KCNT2: variants seen among roughly 807,000 people sequenced by gnomAD.
KCNT2 encodes the protein potassium sodium-activated channel subfamily T member 2.
Under a neutral mutation model 153.8 loss-of-function variants are expected in KCNT2, and 67 were observed. That is an observed-to-expected ratio of 0.44 (90% confidence interval 0.36 to 0.53). KCNT2 has a LOEUF of 0.53. Among genes scored for constraint, KCNT2 ranks in the 20% least tolerant of loss-of-function variants. KCNT2 has a pLI of 0.00. For missense variants in KCNT2, 975 were observed against 1,354.8 expected (o/e 0.72, Z 4.40); for synonymous variants, 500 against 458.8 (o/e 1.09, Z -1.15).
intron 15 of KCNT2, among the ~76,000 whole-genome samples, chr1:196,341,855 G>A (rs1665668156): frequency 6.6e-6 from 1 of 151,848 alleles, no homozygotes; most frequent in African/African-American, 2.4e-5. Context: ...CTTTAAAAGT[G>A]GCTAAATGAA....
intron 24 of KCNT2, among the ~76,000 whole-genome samples, chr1:196,281,411 G>T (rs1479854688): frequency 1.3e-5 from 2 of 152,180 alleles, no homozygotes; most frequent in Non-Finnish European, 2.9e-5. Context: ...ACTGGAGGCT[G>T]ACACTGGTAT....
At chr1:196,257,935 T>C in intron 26 of KCNT2, 2 of 957,536 alleles carry the variant, frequency 2.1e-6, no homozygotes, top group Non-Finnish European at 2.5e-6. Flanking sequence ...TCAGAGTTTT[T>C]GTGAAAATTA....
chr1:196,307,763 C>A (rs1252386844), intron 21 of KCNT2, among the ~76,000 whole-genome samples: 2 of 151,762 alleles, frequency 1.3e-5, no homozygotes, highest in African/African-American at 4.8e-5. Flanking sequence ...ATAGTGCATT[C>A]AATAAATAAA....
intron 11 of KCNT2, among the ~76,000 whole-genome samples, 168 bp downstream of exon 11, chr1:196,425,684 T>C (rs1009568213): frequency 3.3e-5 from 5 of 152,012 alleles, no homozygotes; most frequent in Admixed American, 2.0e-4. Flanking sequence ...TTTTATGATA[T>C]ATTTTTGACC....
intron 1 of KCNT2, among the ~76,000 whole-genome samples, chr1:196,550,903 A>T (rs138748825): frequency 0.058 from 8,766 of 151,916 alleles, 397 homozygotes; most frequent in Non-Finnish European, 0.085. Flanking sequence ...GGGAGATTAC[A>T]TTCCTGAAAA....
chr1:196,443,760 G>A (rs1205783008), intron 8 of KCNT2, among the ~76,000 whole-genome samples: 1 of 151,514 alleles, frequency 6.6e-6, no homozygotes, highest in Non-Finnish European at 1.5e-5. Flanking sequence ...TGTCTTGAAA[G>A]ATATTTCTAA....
chr1:196,327,292 C>T (rs561379116), intron 18 of KCNT2, among the ~76,000 whole-genome samples: 1 of 150,592 alleles, frequency 6.6e-6, no homozygotes, highest in Non-Finnish European at 1.5e-5. Flanking sequence ...ATGCTTAAAG[C>T]GATGAAGAAA....
chr1:196,404,695 T>C (rs1480291607), intron 12 of KCNT2, among the ~76,000 whole-genome samples: 1 of 151,504 alleles, frequency 6.6e-6, no homozygotes, highest in African/African-American at 2.4e-5. Flanking sequence ...TGTGAACAAT[T>C]AACCCCATCT....
At chr1:196,396,660 T>C (rs1156381747) in intron 13 of KCNT2, among the ~76,000 whole-genome samples, 1 of 151,622 alleles carries the variant, frequency 6.6e-6, no homozygotes, top group Non-Finnish European at 1.5e-5. Context: ...TGAAATGTAA[T>C]CTCAGTCATA....
At chr1:196,461,437 G>C (rs1677146466) in intron 8 of KCNT2, among the ~76,000 whole-genome samples, 1 of 151,592 alleles carries the variant, frequency 6.6e-6, no homozygotes, top group African/African-American at 2.4e-5. Flanking sequence ...AGTTTCTTAT[G>C]TTAGAAACCC....
At chr1:196,257,565 A>G (rs1656625317) in intron 26 of KCNT2, 2 of 919,606 alleles carry the variant, frequency 2.2e-6, no homozygotes, top group Non-Finnish European at 1.3e-6. Context: ...GATAAATGAT[A>G]TATTTTAAAT....
At chr1:196,291,140 A>C (rs957811498) in intron 22 of KCNT2, among the ~76,000 whole-genome samples, 8 of 152,080 alleles carry the variant, frequency 5.3e-5, no homozygotes, top group Non-Finnish European at 1.0e-4. Context: ...ATTTCATATA[A>C]GAGATTTCAA....
At chr1:196,271,147 A>T (rs1658026691) in intron 25 of KCNT2, among the ~76,000 whole-genome samples, 1 of 151,998 alleles carries the variant, frequency 6.6e-6, no homozygotes. Flanking sequence ...TGTTACATGC[A>T]ATGCTTTAAT....
chr1:196,284,560 A>G (rs1374936704), intron 23 of KCNT2, among the ~76,000 whole-genome samples: 1 of 151,898 alleles, frequency 6.6e-6, no homozygotes, highest in African/African-American at 2.4e-5. Flanking sequence ...TAAAATCTTC[A>G]GTTTCAACAC....
intron 12 of KCNT2, among the ~76,000 whole-genome samples, chr1:196,414,439 G>A (rs913016085): frequency 7.9e-5 from 12 of 151,640 alleles, no homozygotes; most frequent in South Asian, 2.1e-4. Flanking sequence ...GTTATTCTTG[G>A]AATTGAGGCT....
At chr1:196,575,976 T>TAAAAA (rs67161739) in intron 1 of KCNT2, among the ~76,000 whole-genome samples, 1 of 130,310 alleles carries the variant, frequency 7.7e-6, no homozygotes, top group Admixed American at 8.0e-5. Flanking sequence ...AGACCCTGTC[T>TAAAAA]AAAAAAAAAA....
intron 1 of KCNT2, among the ~76,000 whole-genome samples, chr1:196,557,994 CAGAG>C (rs1273144102): frequency 6.6e-6 from 1 of 151,288 alleles, no homozygotes; most frequent in Non-Finnish European, 1.5e-5. Context: ...CACAACCTGA[CAGAG>C]AATGTTCTGT....
intron 22 of KCNT2, among the ~76,000 whole-genome samples, chr1:196,302,502 C>T (rs1661275629): frequency 6.6e-6 from 1 of 152,166 alleles, no homozygotes; most frequent in Non-Finnish European, 1.5e-5. Context: ...CTTCTGAGGA[C>T]TGTAAATGAA....
intron 14 of KCNT2, among the ~76,000 whole-genome samples, chr1:196,353,956 T>G (rs1426739083): frequency 6.6e-6 from 1 of 151,958 alleles, no homozygotes; most frequent in Non-Finnish European, 1.5e-5. Flanking sequence ...TCTGTTCTTA[T>G]TTCAGGATAT....
Sources: allele counts gnomAD v4.1 joint callset (sites outside exome capture counted in the v4.1 genomes callset), GRCh38; gene constraint gnomAD v4.1.1; transcripts MANE v1.5; gene names NCBI Gene and HGNC (gene_info 2026-07-23, HGNC 2026-07-21).